Variants in DPP6 observed in about 807,000 individuals in gnomAD.
DPP6 encodes dipeptidyl peptidase like 6.
Under a neutral mutation model 122.6 loss-of-function variants are expected in DPP6, and 69 were observed. The observed-to-expected ratio is 0.56, with a 90% CI of 0.46 to 0.69. The LOEUF (loss-of-function observed/expected upper bound fraction) is 0.69, where lower values mean the gene tolerates loss of function less well. Ranked by LOEUF, DPP6 falls within the 30% of genes least tolerant of loss-of-function variation. The pLI, the probability that DPP6 is intolerant of heterozygous loss-of-function variation, is 0.00. For synonymous variants in DPP6, 418 were observed against 433.1 expected (o/e 0.97, Z 0.43); for missense variants, 928 against 1,116.9 (o/e 0.83, Z 2.41).
intron 1 of DPP6, among the ~76,000 whole-genome samples, chr7:154,386,115 G>A (rs1418187595): frequency 6.6e-6 from 1 of 152,180 alleles, no homozygotes; most frequent in Non-Finnish European, 1.5e-5. Context: ...GGACATCGCT[G>A]CCTTATTTTC....
At chr7:153,801,763 A>G in the DPP6 span, among the ~76,000 whole-genome samples, 15 of 152,320 alleles carry the variant, frequency 9.8e-5, no homozygotes, top group Non-Finnish European at 1.6e-4. Context: ...GAAAGTACAT[A>G]AACAAAAAGT....
intron 1 of DPP6, among the ~76,000 whole-genome samples, chr7:154,279,328 G>C (rs1804354163): frequency 6.6e-6 from 1 of 152,190 alleles, no homozygotes; most frequent in South Asian, 2.1e-4. Context: ...AATCCATCTA[G>C]GTAGTTTGGT....
chr7:154,212,366 CA>C (rs1799786193), intron 1 of DPP6, among the ~76,000 whole-genome samples: 2 of 152,144 alleles, frequency 1.3e-5, no homozygotes, highest in South Asian at 4.1e-4. Context: ...ATAGGAATTC[CA>C]GAAAGATAAA....
chr7:154,309,046 A>G (rs1275812222), intron 1 of DPP6, among the ~76,000 whole-genome samples: 1 of 152,208 alleles, frequency 6.6e-6, no homozygotes, highest in Non-Finnish European at 1.5e-5. Flanking sequence ...GACCCCACAC[A>G]TGCACTCGTT....
At chr7:154,775,720 T>C (rs1185468153) in intron 10 of DPP6, among the ~76,000 whole-genome samples, 3 of 152,092 alleles carry the variant, frequency 2.0e-5, no homozygotes, top group East Asian at 3.9e-4. Flanking sequence ...GCCCCTGCAA[T>C]TGGAAATCAA....
At chr7:153,938,025 C>T (rs1801536742) in intron 1 of DPP6, among the ~76,000 whole-genome samples, 3 of 152,236 alleles carry the variant, frequency 2.0e-5, no homozygotes, top group African/African-American at 7.2e-5. Flanking sequence ...GTAAGGAGAA[C>T]CTCTGAGACA....
intron 7 of DPP6, among the ~76,000 whole-genome samples, chr7:154,683,960 C>CA (rs1839440615): frequency 6.6e-6 from 1 of 152,176 alleles, no homozygotes; most frequent in African/African-American, 2.4e-5. Flanking sequence ...CCTCAACCTC[C>CA]TTGGCTCAAG....
At chr7:154,490,191 G>A (rs558198856) in intron 3 of DPP6, among the ~76,000 whole-genome samples, 1 of 152,358 alleles carries the variant, frequency 6.6e-6, no homozygotes, top group East Asian at 1.9e-4. Flanking sequence ...CCAGTGGAAA[G>A]TTATGTTCAC....
chr7:154,208,787 G>T (rs1402457392), intron 1 of DPP6, among the ~76,000 whole-genome samples: 4 of 151,814 alleles, frequency 2.6e-5, no homozygotes, highest in Non-Finnish European at 5.9e-5. Flanking sequence ...AAAAAATAGG[G>T]CAGCCTCAGT....
intron 1 of DPP6, among the ~76,000 whole-genome samples, chr7:154,072,668 TGCACACCA>T (rs1194768679): frequency 6.6e-6 from 1 of 152,296 alleles, no homozygotes; most frequent in Non-Finnish European, 1.5e-5. Context: ...TGTTTTTCAT[TGCACACCA>T]AGGGTTATTA....
the DPP6 span, among the ~76,000 whole-genome samples, chr7:153,806,163 C>T: frequency 3.3e-5 from 5 of 151,528 alleles, no homozygotes; most frequent in African/African-American, 1.2e-4. Context: ...AGAAATGAGC[C>T]CTCCCTGCCT....
intron 1 of DPP6, among the ~76,000 whole-genome samples, chr7:154,056,834 C>T (rs1800861779): frequency 1.3e-5 from 2 of 152,196 alleles, no homozygotes; most frequent in East Asian, 1.9e-4. Flanking sequence ...TAACTAGCTT[C>T]CCTCTACAAA....
Position 154,706,690 on chromosome 7 carries a change from G to A in DPP6, c.763-21077G>A, listed in dbSNP as rs190439056. Among the ~76,000 whole-genome samples, 8 of 152,328 alleles carry A rather than the reference G, an allele frequency of 5.3e-5. No homozygotes were observed. In the South Asian group the frequency reaches 1.4e-3, roughly 28 times the overall value. On this transcript the variant is annotated intron_variant, in intron 7 of 25. Coordinates refer to ENST00000377770, the MANE Select transcript of DPP6 (RefSeq NM_130797.4). ...CTGTTACACTAAATAGCTTCAAGTG[G>A]ACACTGAACACGTACTATCAAATGC...
intron 23 of DPP6, among the ~76,000 whole-genome samples, chr7:154,888,822 G>A (rs1458714740): frequency 2.6e-5 from 4 of 152,222 alleles, no homozygotes; most frequent in Admixed American, 2.0e-4. Context: ...AGTTCCACAT[G>A]GCTGGGGAAG....
chr7:154,296,023 C>T (rs537883371), intron 1 of DPP6, among the ~76,000 whole-genome samples: 1 of 147,144 alleles, frequency 6.8e-6, no homozygotes, highest in East Asian at 2.1e-4. Flanking sequence ...CGGCTCACTG[C>T]AAGCTCTACC....
At chr7:154,047,178 C>T (rs1311902632) in intron 1 of DPP6, among the ~76,000 whole-genome samples, 1 of 151,026 alleles carries the variant, frequency 6.6e-6, no homozygotes, top group Admixed American at 6.6e-5. Context: ...GCTGACCATA[C>T]CGCAAGCAGG....
chr7:153,985,447 T>C (rs1796795227), intron 1 of DPP6, among the ~76,000 whole-genome samples: 1 of 152,232 alleles, frequency 6.6e-6, no homozygotes, highest in Non-Finnish European at 1.5e-5. Context: ...CAAGGACTAA[T>C]GTCATTGCTC....
At chr7:154,480,879 T>G (rs1823210533) in intron 3 of DPP6, among the ~76,000 whole-genome samples, 1 of 152,202 alleles carries the variant, frequency 6.6e-6, no homozygotes, top group Non-Finnish European at 1.5e-5. Context: ...TAGAACAAGC[T>G]AAGGACCTTC....
chr7:153,826,438 T>A, the DPP6 span, among the ~76,000 whole-genome samples: 3 of 152,202 alleles, frequency 2.0e-5, no homozygotes, highest in African/African-American at 7.2e-5. Flanking sequence ...TGTCATTGTA[T>A]CCATTGAAGA....
Sources: gnomAD v4.1 joint callset for allele counts (sites outside exome capture counted in the v4.1 genomes callset) on GRCh38, gnomAD v4.1.1 for gene constraint, MANE v1.5 for transcripts, NCBI Gene and HGNC (gene_info 2026-07-23, HGNC 2026-07-21) for gene names.